ST6GALNAC3: variants seen among roughly 807,000 people sequenced by gnomAD.
ST6GALNAC3 encodes the protein alpha-N-acetylgalactosaminide alpha-2,6-sialyltransferase 3.
In ST6GALNAC3, 25 loss-of-function variants were observed where a neutral mutation model predicts 32.7. The observed-to-expected ratio is 0.76, with a 90% CI of 0.56 to 1.07. The LOEUF is 1.07. Ranked by LOEUF, ST6GALNAC3 falls within the 50% of genes least tolerant of loss-of-function variation. The pLI is 0.00. For missense variants in ST6GALNAC3, 355 were observed against 382.4 expected (o/e 0.93, Z 0.60); for synonymous variants, 129 against 133.1 (o/e 0.97, Z 0.21).
chr1:76,582,871 G>A (rs1291429691), intron 3 of ST6GALNAC3, among the ~76,000 whole-genome samples: 1 of 151,980 alleles, frequency 6.6e-6, no homozygotes, highest in Non-Finnish European at 1.5e-5. Context: ...TCATCATGTG[G>A]TTATCTTCTA....
At chr1:76,480,418 A>G (rs779873908) in intron 3 of ST6GALNAC3, among the ~76,000 whole-genome samples, 3 of 152,210 alleles carry the variant, frequency 2.0e-5, no homozygotes, top group Admixed American at 6.5e-5. Context: ...AGTTTCCTTT[A>G]ACTGTAAACA....
chr1:76,455,710 A>G (rs1657727202), intron 3 of ST6GALNAC3, among the ~76,000 whole-genome samples: 1 of 152,038 alleles, frequency 6.6e-6, no homozygotes, highest in Admixed American at 6.6e-5. Flanking sequence ...TTCTCTAGGT[A>G]TTGACTTTCA....
intron 3 of ST6GALNAC3, among the ~76,000 whole-genome samples, chr1:76,452,652 T>C (rs1422739554): frequency 1.3e-5 from 2 of 152,236 alleles, no homozygotes; most frequent in Non-Finnish European, 2.9e-5. Flanking sequence ...TGGATTATCT[T>C]TTTGATACAC....
intron 3 of ST6GALNAC3, among the ~76,000 whole-genome samples, chr1:76,445,163 G>A (rs1359493744): frequency 6.6e-6 from 1 of 152,060 alleles, no homozygotes; most frequent in Non-Finnish European, 1.5e-5. Context: ...ATGCAACTTG[G>A]GAGTGTCTCT....
chr1:76,251,910 A>G (rs1214138385), intron 1 of ST6GALNAC3, among the ~76,000 whole-genome samples: 1 of 152,172 alleles, frequency 6.6e-6, no homozygotes, highest in African/African-American at 2.4e-5. Flanking sequence ...AAAGGGCCTA[A>G]GGAAGGAATT....
chr1:76,344,407 C>A lies in ST6GALNAC3; in HGVS notation c.213+30408C>A, dbSNP rs183511226. ...CACCCTCCTGACCACATTTCATATT[C>A]TTTTTCCCTGCATTATTTTTTTCTC... On this transcript the variant is annotated intron_variant, in intron 2 of 4. Transcript: ENST00000328299. 3.2e-3 allele frequency among the ~76,000 whole-genome samples: 480 copies of A among 152,270 alleles called. 5 individuals carry two copies. Among genetic ancestry groups the A allele is most frequent in the African/African-American group, 0.011 (461 of 41,560 alleles).
chr1:76,616,471 G>A (rs1031331583), intron 3 of ST6GALNAC3, among the ~76,000 whole-genome samples: 3 of 152,156 alleles, frequency 2.0e-5, no homozygotes. Flanking sequence ...TATTCTGATG[G>A]AGCAGATAGC....
chr1:76,233,940 G>GA (rs59484919), intron 1 of ST6GALNAC3, among the ~76,000 whole-genome samples: 10,474 of 152,086 alleles, frequency 0.069, 902 homozygotes, highest in African/African-American at 0.21. Context: ...GGAGCAATTA[G>GA]AAAAAATGTC....
At chr1:76,188,265 G>A (rs1327652112) in intron 1 of ST6GALNAC3, among the ~76,000 whole-genome samples, 1 of 152,138 alleles carries the variant, frequency 6.6e-6, no homozygotes, top group African/African-American at 2.4e-5. Context: ...AGGAGGTTGA[G>A]GCAGGGGAAT....
At chr1:76,081,228 A>G (rs1646890418) in intron 1 of ST6GALNAC3, among the ~76,000 whole-genome samples, 1 of 151,696 alleles carries the variant, frequency 6.6e-6, no homozygotes, top group Admixed American at 6.6e-5. Context: ...CCACATTGGA[A>G]GAAGAATTGT....
rs772365455 is a variant in ST6GALNAC3, at chr1:76,313,832, A to G, written c.46A>G (p.Ile16Val). The G allele has an allele frequency of 3.7e-6, 6 of 1,613,550 alleles. 1 individual carries two copies. The South Asian group carries it at 6.6e-5, about 18-fold the overall frequency. Residue 16 changes from isoleucine to valine, a missense_variant, in exon 2 of 5, where the codon ATA (isoleucine) becomes GTA (valine). Physicochemically the swap from Ile to Val is conservative, Grantham distance 29. Coordinates refer to ENST00000328299, the MANE Select transcript of ST6GALNAC3 (RefSeq NM_152996.4). ...AAAGTCTGTGATTGCTGTGAGCTTC[A>G]TAGCAGCGTTCCTTTTCCTGCTGGT... ...KRKSVIAVSF[I>V]AAFLFLLVVR...
intron 3 of ST6GALNAC3, among the ~76,000 whole-genome samples, chr1:76,450,086 A>G (rs1571266124): frequency 6.6e-6 from 1 of 152,200 alleles, no homozygotes; most frequent in Non-Finnish European, 1.5e-5. Context: ...CTCTGGGTAC[A>G]TATCCAGCAG....
intron 2 of ST6GALNAC3, among the ~76,000 whole-genome samples, chr1:76,406,498 G>A (rs1653844688): frequency 6.6e-6 from 1 of 151,918 alleles, no homozygotes; most frequent in Non-Finnish European, 1.5e-5. Flanking sequence ...GTTTATCTTA[G>A]ACTGAAATTT....
chr1:76,514,970 A>AGTTTT (rs1444737234), intron 3 of ST6GALNAC3, among the ~76,000 whole-genome samples: 1 of 151,930 alleles, frequency 6.6e-6, no homozygotes, highest in African/African-American at 2.4e-5. Context: ...ATTGGACTTT[A>AGTTTT]GTTTTCTTTT....
At chr1:76,232,732 T>C (rs1483751648) in intron 1 of ST6GALNAC3, among the ~76,000 whole-genome samples, 1 of 152,218 alleles carries the variant, frequency 6.6e-6, no homozygotes, top group African/African-American at 2.4e-5. Flanking sequence ...TAACCTGTGT[T>C]GTTGAAGAAG....
At chr1:76,175,505 A>G (rs1270283182) in intron 1 of ST6GALNAC3, among the ~76,000 whole-genome samples, 1 of 144,466 alleles carries the variant, frequency 6.9e-6, no homozygotes, top group Admixed American at 7.4e-5. Flanking sequence ...CCCCTGAATC[A>G]GCTGCCCTGA....
intron 2 of ST6GALNAC3, among the ~76,000 whole-genome samples, chr1:76,359,694 G>A (rs550826740): frequency 6.6e-6 from 1 of 152,298 alleles, no homozygotes; most frequent in Admixed American, 6.5e-5. Context: ...GATAATTCTG[G>A]CTGCAGTGTA....
chr1:76,309,151 C>T (rs1340448243), intron 1 of ST6GALNAC3, among the ~76,000 whole-genome samples: 1 of 152,114 alleles, frequency 6.6e-6, no homozygotes, highest in Admixed American at 6.5e-5. Context: ...CCCACAGCAC[C>T]CTGTGTATAC....
chr1:76,112,596 G>GC (rs1648112868), intron 1 of ST6GALNAC3, among the ~76,000 whole-genome samples: 4 of 151,886 alleles, frequency 2.6e-5, no homozygotes, highest in African/African-American at 9.7e-5. Flanking sequence ...TGGCTGCCGC[G>GC]CGGAGGGGCT....
Sources: allele counts gnomAD v4.1 joint callset (sites outside exome capture counted in the v4.1 genomes callset), GRCh38; gene constraint gnomAD v4.1.1; transcripts MANE v1.5; gene names NCBI Gene and HGNC (gene_info 2026-07-23, HGNC 2026-07-21).